CDC14A: variants seen among roughly 807,000 people sequenced by gnomAD.
The protein encoded by CDC14A is cell division cycle 14A.
A neutral mutation model predicts 74.4 loss-of-function variants in CDC14A; 53 were observed. The ratio of observed to expected loss-of-function variants is 0.71; its 90% CI spans 0.57 to 0.89. CDC14A has a LOEUF of 0.89. CDC14A is among the 40% of genes least tolerant of loss of function. CDC14A has a pLI of 0.00. For missense variants in CDC14A, 646 were observed against 713.7 expected (o/e 0.91, Z 1.08); for synonymous variants, 247 against 258.4 (o/e 0.96, Z 0.43).
At chr1:100,459,670 T>G (rs17456578) in intron 8 of CDC14A, among the ~76,000 whole-genome samples, 21,732 of 152,126 alleles carry the variant, frequency 0.14, 1,767 homozygotes, top group Non-Finnish European at 0.17. Context: ...TCAGCTTAAC[T>G]CCAGGACTTT....
At chr1:100,468,182 G>T in intron 10 of CDC14A, 88 bp downstream of exon 10, 5 of 1,481,014 alleles carry the variant, frequency 3.4e-6, no homozygotes, top group African/African-American at 1.4e-5. Context: ...ATGTCAGCCT[G>T]TGGTTATAAA....
At chr1:100,515,290 T>C (rs1372503560) in intron 15 of CDC14A, among the ~76,000 whole-genome samples, 1 of 152,186 alleles carries the variant, frequency 6.6e-6, no homozygotes, top group Non-Finnish European at 1.5e-5. Context: ...GCTCCCTGAA[T>C]AGAAAGGTCT....
chr1:100,390,733 C>T lies in CDC14A; in HGVS notation c.218C>T (p.Ser73Leu). Reference sequence around the variant, plus strand: ...ACTCTTTTTATCTCCTCTTTCTAGTCATACAGTTTGTCAAGAAAGAAAATA... The same window carrying T: ...ACTCTTTTTATCTCCTCTTTCTAGTTATACAGTTTGTCAAGAAAGAAAATA... ...YCCKLNKKLK[S>L]YSLSRKKIVH... The change falls in exon 4 of 16, where the codon TCA becomes TTA. Residue 73 changes from serine to leucine, a missense_variant and splice_region_variant. Physicochemically the swap from Ser to Leu is moderately radical, Grantham distance 145 (BLOSUM62 -2). Coordinates refer to ENST00000336454, the MANE Select transcript of CDC14A (RefSeq NM_003672.4). The T allele has an allele frequency of 6.3e-7, 1 of 1,599,128 alleles. No homozygotes were observed.
At chr1:100,378,540 A>G (rs1655629692) in intron 3 of CDC14A, among the ~76,000 whole-genome samples, 1 of 152,168 alleles carries the variant, frequency 6.6e-6, no homozygotes, top group Non-Finnish European at 1.5e-5. Context: ...GTTTTTAATG[A>G]ACTTAGGTAT....
At chr1:100,483,697 T>C (rs1196206495) in intron 10 of CDC14A, among the ~76,000 whole-genome samples, 2 of 152,196 alleles carry the variant, frequency 1.3e-5, no homozygotes, top group Non-Finnish European at 2.9e-5. Context: ...CCTTAATGAA[T>C]GAAAGAAAGT....
intron 10 of CDC14A, among the ~76,000 whole-genome samples, chr1:100,475,850 A>G (rs1381145748): frequency 6.6e-6 from 1 of 152,166 alleles, no homozygotes; most frequent in African/African-American, 2.4e-5. Context: ...AGGTTCCACC[A>G]TTACTACCTT....
At chr1:100,393,590 T>A in intron 4 of CDC14A, 1 of 706,978 alleles carries the variant, frequency 1.4e-6, no homozygotes, top group Admixed American at 1.8e-5. Flanking sequence ...ATCTGCGAGT[T>A]TACTTCTCCA....
intron 2 of CDC14A, among the ~76,000 whole-genome samples, chr1:100,377,200 C>T (rs181206793): frequency 1.3e-5 from 2 of 152,186 alleles, no homozygotes; most frequent in African/African-American, 4.8e-5. Context: ...ACCACACTGC[C>T]TGGCTAATTT....
Position 100,478,547 on chromosome 1 carries a change from A to C in CDC14A, c.978-5745A>C, listed in dbSNP as rs148230654. On this transcript the variant is annotated intron_variant, in intron 10 of 15. Transcript: ENST00000336454. Reference sequence around the variant, plus strand: ...CCACGGGGATTTTCAGCTCACGGAGATCCTTTATTTATGGGGCTCAATATG... The same window carrying C: ...CCACGGGGATTTTCAGCTCACGGAGCTCCTTTATTTATGGGGCTCAATATG... Among the ~76,000 whole-genome samples the C allele has an allele frequency of 5.3e-5, 8 of 152,226 alleles. No individual in the cohort carries two copies. The East Asian group carries it at 1.6e-3, about 30-fold the overall frequency.
chr1:100,393,122 G>C, intron 4 of CDC14A: 2 of 1,465,728 alleles, frequency 1.4e-6, no homozygotes, highest in Non-Finnish European at 1.9e-6. Flanking sequence ...AAAATAGTCC[G>C]TTCAGTCTCA....
intron 4 of CDC14A, among the ~76,000 whole-genome samples, chr1:100,397,793 A>G (rs978134040): frequency 1.3e-5 from 2 of 152,204 alleles, no homozygotes; most frequent in East Asian, 3.8e-4. Context: ...TTAGAGGTCT[A>G]CATTGTGGAT....
intron 7 of CDC14A, among the ~76,000 whole-genome samples, chr1:100,447,782 T>C (rs1557769875): frequency 6.6e-6 from 1 of 152,232 alleles, no homozygotes; most frequent in Non-Finnish European, 1.5e-5. Flanking sequence ...GACCTGGAAG[T>C]GGCACCCATA....
At position 100,499,173 on chromosome 1, in the gene CDC14A, G is replaced by A. The variant is rs201218063; in HGVS notation, c.1666G>A (p.Ala556Thr). ...GAACAGCCCCCCAGGCCCCCACAGC[G>A]CCAAGACAGAGGAGCACACCACCAT... is the stretch of plus-strand genomic sequence containing the variant. ...NLNSPPGPHS[A>T]KTEEHTTILR... Residue 556 changes from alanine (A) to threonine (T), a missense_variant, in exon 15 of 16, where the codon GCC becomes ACC. Ala to Thr is a moderately conservative substitution (Grantham distance 58). Coordinates refer to ENST00000336454, the MANE Select transcript of CDC14A (RefSeq NM_003672.4). 2.3e-5 allele frequency: 37 copies of A among 1,614,072 alleles called. No homozygotes were observed. In the East Asian group the frequency reaches 3.3e-4, roughly 15 times the overall value.
chr1:100,455,014 G>C (rs1666540065), intron 7 of CDC14A, among the ~76,000 whole-genome samples: 2 of 152,116 alleles, frequency 1.3e-5, no homozygotes, highest in Admixed American at 1.3e-4. Flanking sequence ...ATTTACAGAT[G>C]TTTTTTCATT....
intron 7 of CDC14A, among the ~76,000 whole-genome samples, chr1:100,447,851 C>A (rs1665725891): frequency 6.6e-6 from 1 of 152,154 alleles, no homozygotes; most frequent in African/African-American, 2.4e-5. Context: ...CTGTCCTTAC[C>A]AAACAAGATG....
At chr1:100,348,299 A>G (rs1195502833), upstream of CDC14A, among the ~76,000 whole-genome samples, 1 of 151,966 alleles carries the variant, frequency 6.6e-6, no homozygotes, top group East Asian at 1.9e-4. Context: ...AAAAAAAAAA[A>G]AAGAATATTT....
chr1:100,454,884 C>A (rs951631785), intron 7 of CDC14A, among the ~76,000 whole-genome samples: 1 of 152,086 alleles, frequency 6.6e-6, no homozygotes, highest in South Asian at 2.1e-4. Flanking sequence ...GGAATGGATG[C>A]GCCAATATCA....
upstream of CDC14A, chr1:100,351,630 G>C (rs138967681): frequency 1.8e-3 from 1,526 of 848,756 alleles, 17 homozygotes; most frequent in African/African-American, 0.024. Context: ...TGTTCCCTCC[G>C]CGCCCGCCCA....
chr1:100,462,614 T>C (rs1005629580), intron 8 of CDC14A, 37 bp from the exon 9 acceptor site: 1 of 1,456,582 alleles, frequency 6.9e-7, no homozygotes, highest in Non-Finnish European at 9.6e-7. Context: ...GAAGATGAAA[T>C]GCATGCCTTT....
Sources: gnomAD v4.1 joint callset for allele counts (sites outside exome capture counted in the v4.1 genomes callset) on GRCh38, gnomAD v4.1.1 for gene constraint, MANE v1.5 for transcripts, NCBI Gene and HGNC (gene_info 2026-07-23, HGNC 2026-07-21) for gene names.